UBXN7: variants seen among roughly 807,000 people sequenced by gnomAD.
The protein encoded by UBXN7 is UBX domain protein 7.
A neutral mutation model predicts 58.0 loss-of-function variants in UBXN7; 9 were observed. The ratio of observed to expected loss-of-function variants is 0.16; its 90% confidence interval spans 0.09 to 0.27. UBXN7 has a LOEUF of 0.27. Among genes scored for constraint, UBXN7 ranks in the 10% least tolerant of loss-of-function variants. The pLI is 1.00. For synonymous variants in UBXN7, 208 were observed against 205.0 expected, an observed-to-expected ratio of 1.01 and a Z score of -0.12; for missense variants, 328 against 599.6, an observed-to-expected ratio of 0.55 and a Z score of 4.73.
chr3:196,399,260 ATT>A (rs1370000827), intron 3 of UBXN7, among the ~76,000 whole-genome samples: 1 of 152,116 alleles, frequency 6.6e-6, no homozygotes, highest in Admixed American at 6.5e-5. Flanking sequence ...AATCATTTTT[ATT>A]GCTTCATCAA....
At chr3:196,395,852 G>A (rs1211131815) in intron 3 of UBXN7, among the ~76,000 whole-genome samples, 2 of 151,944 alleles carry the variant, frequency 1.3e-5, no homozygotes, top group South Asian at 2.1e-4. Context: ...TGTGACCTCC[G>A]CCTCCCAGGT....
chr3:196,425,113 C>A (rs539342503), intron 1 of UBXN7, among the ~76,000 whole-genome samples: 85 of 152,308 alleles, frequency 5.6e-4, no homozygotes, highest in African/African-American at 2.0e-3. Context: ...TTAGCAGCAC[C>A]TTAACTTATC....
chr3:196,383,332 C>A (rs1729274012), intron 5 of UBXN7, among the ~76,000 whole-genome samples: 1 of 152,032 alleles, frequency 6.6e-6, no homozygotes, highest in South Asian at 2.1e-4. Context: ...GACTTAGACT[C>A]CCACACAATA....
rs185383826 is a variant in UBXN7 at position 196,431,145 on chromosome 3, C to T, written c.73+1182G>A. On this transcript the variant is annotated intron_variant, in intron 1 of 10. Transcript: ENST00000296328. ...TAAAATTTTACTTAACCAGATATTG[C>T]ACGTTAAACTCTAGGAACATTAACA... 1.3e-3 allele frequency among the ~76,000 whole-genome samples: 193 copies of T among 152,282 alleles called. 1 individual carries two copies. Among genetic ancestry groups the T allele is most frequent in the Admixed American group, 0.012 (180 of 15,290 alleles).
intron 2 of UBXN7, 55 bp downstream of exon 2, chr3:196,407,191 C>T: frequency 3.8e-6 from 6 of 1,569,246 alleles, no homozygotes; most frequent in Non-Finnish European, 5.2e-6. Flanking sequence ...GATAAAAATG[C>T]AACTACTTAA....
chr3:196,383,333 C>A (rs1729274091), intron 5 of UBXN7, among the ~76,000 whole-genome samples: 1 of 151,930 alleles, frequency 6.6e-6, no homozygotes, highest in East Asian at 1.9e-4. Flanking sequence ...ACTTAGACTC[C>A]CACACAATAA....
At chr3:196,421,133 G>A (rs1730668898) in intron 1 of UBXN7, among the ~76,000 whole-genome samples, 1 of 152,178 alleles carries the variant, frequency 6.6e-6, no homozygotes, top group Admixed American at 6.5e-5. Flanking sequence ...ATTTTTAAAT[G>A]CATACCAGAA....
Position 196,352,558 on chromosome 3 carries a change from T to G in UBXN7, c.*4127A>C, listed in dbSNP as rs1250280410. ...ACCACACCTGGCCAGGAATTAGATC[T>G]CAGATTTCAAAATACTTCCAACTTC... On this transcript the variant is annotated 3_prime_UTR_variant, in exon 11 of 11. Coordinates refer to ENST00000296328, the MANE Select transcript of UBXN7 (RefSeq NM_015562.2). This position sits in a 1 kb window ranked among gnomAD's most constrained non-coding sequence, Gnocchi z 4.1. 2 of 152,078 alleles carry G rather than the reference T, an allele frequency of 1.3e-5. No homozygotes were observed. The highest frequency in any genetic ancestry group is 4.8e-5 in the African/African-American group (2 of 41,400). 9.4% of individuals were successfully genotyped at this position (152,078 alleles called of 1,614,324 possible). A position where few individuals can be genotyped will look rare whatever the true frequency, so the allele number is the denominator to read the frequency against.
At chr3:196,430,292 T>C (rs1398434402) in intron 1 of UBXN7, among the ~76,000 whole-genome samples, 1 of 150,668 alleles carries the variant, frequency 6.6e-6, no homozygotes, top group Non-Finnish European at 1.5e-5. Context: ...GAGGTGGAGG[T>C]TGCAGTGAGC....
chr3:196,386,681 AACT>A (rs1729412693), intron 5 of UBXN7, among the ~76,000 whole-genome samples: 2 of 152,202 alleles, frequency 1.3e-5, no homozygotes, highest in African/African-American at 4.8e-5. Flanking sequence ...CTTTAAGGAG[AACT>A]ACTAACCACT....
At chr3:196,416,943 C>G (rs1269490195) in intron 1 of UBXN7, among the ~76,000 whole-genome samples, 1 of 152,150 alleles carries the variant, frequency 6.6e-6, no homozygotes, top group East Asian at 1.9e-4. Flanking sequence ...TAAGAAAGGC[C>G]TGCAGTACCA....
At chr3:196,389,874 TA>T (rs1035868493) in intron 5 of UBXN7, among the ~76,000 whole-genome samples, 19 of 151,574 alleles carry the variant, frequency 1.3e-4, no homozygotes, top group African/African-American at 2.7e-4. Context: ...AGGACACATT[TA>T]AAAAAAAATA....
intron 1 of UBXN7, among the ~76,000 whole-genome samples, chr3:196,416,997 G>A (rs1254016852): frequency 6.6e-6 from 1 of 152,158 alleles, no homozygotes; most frequent in East Asian, 1.9e-4. Context: ...AACACCTGGA[G>A]CCACAGACAC....
chr3:196,423,803 A>C (rs1219672785), intron 1 of UBXN7, among the ~76,000 whole-genome samples: 1 of 152,194 alleles, frequency 6.6e-6, no homozygotes, highest in Non-Finnish European at 1.5e-5. Flanking sequence ...ACAGGGACAG[A>C]AGAGAGCCAT....
At chr3:196,394,148 C>T (rs890247882) in intron 3 of UBXN7, among the ~76,000 whole-genome samples, 3 of 151,794 alleles carry the variant, frequency 2.0e-5, no homozygotes, top group Non-Finnish European at 2.9e-5. Flanking sequence ...ATTAGCCAGG[C>T]GTGATGGTGC....
chr3:196,385,034 G>C (rs560296595), intron 5 of UBXN7, among the ~76,000 whole-genome samples: 1 of 152,236 alleles, frequency 6.6e-6, no homozygotes, highest in African/African-American at 2.4e-5. Flanking sequence ...CCCTTTGCAC[G>C]GTCTCCCTCT....
intron 10 of UBXN7, among the ~76,000 whole-genome samples, chr3:196,359,428 C>CA (rs1377850328): frequency 3.9e-5 from 6 of 152,044 alleles, no homozygotes; most frequent in African/African-American, 1.5e-4. Flanking sequence ...TCTAAGTACC[C>CA]AAGTGAAAGG....
chr3:196,378,341 T>C (rs1048664632), intron 5 of UBXN7, among the ~76,000 whole-genome samples: 3 of 152,226 alleles, frequency 2.0e-5, no homozygotes, highest in South Asian at 2.1e-4. Context: ...AGATGGAATG[T>C]AGACAGAAGT....
intron 1 of UBXN7, 186 bp downstream of exon 1, chr3:196,432,141 G>C (rs567227413): frequency 7.8e-6 from 6 of 772,578 alleles, no homozygotes; most frequent in South Asian, 1.5e-5. Flanking sequence ...ATCGGGAGCG[G>C]GGGGGGGCTG....
Sources: allele counts gnomAD v4.1 joint callset (sites outside exome capture counted in the v4.1 genomes callset), GRCh38; gene constraint gnomAD v4.1.1; non-coding constraint Gnocchi (gnomAD v3.1); transcripts MANE v1.5; gene names NCBI Gene and HGNC (gene_info 2026-07-23, HGNC 2026-07-21).